Variants in GPR153 observed in about 807,000 individuals in gnomAD.
The protein encoded by GPR153 is probable G protein-coupled receptor 153.
In GPR153, 27 loss-of-function variants were observed where a neutral mutation model predicts 34.1. That is an observed-to-expected ratio of 0.79 (90% CI 0.58 to 1.09). GPR153 has a LOEUF of 1.09. GPR153 is among the 50% of genes least tolerant of loss of function. The probability of loss-of-function intolerance (pLI) is 0.00; values close to 1 mark genes in which losing one functional copy is unlikely to be tolerated. For missense variants in GPR153, 848 were observed against 860.2 expected, an observed-to-expected ratio of 0.99 and a Z score of 0.18; for synonymous variants, 408 against 405.4, an observed-to-expected ratio of 1.01 and a Z score of -0.08.
At position 6,254,725 on chromosome 1, in the gene GPR153, T is replaced by C. The variant is rs778912053; in HGVS notation, c.181A>G (p.Ile61Val). The C allele has an allele frequency of 1.3e-5, 21 of 1,613,614 alleles. No individual in the cohort carries two copies. The Middle Eastern group carries it at 6.6e-4, about 51-fold the overall frequency. Residue 61 changes from isoleucine to valine, a missense_variant, in exon 2 of 6, where the codon ATC (isoleucine) becomes GTC (valine). Physicochemically the swap from Ile to Val is conservative, Grantham distance 29. Transcript: ENST00000377893. ...AGCTGCACCACGGAGTAGGTGGCGA[T>C]GGGCACGGCCACATTTAGCATGTGG... ...ATHMLNVAVP[I>V]ATYSVVQLRR...
rs1638520162 is a variant in GPR153, at chr1:6,254,542, A to G, written c.356+8T>C. Reference sequence around the variant, plus strand: ...AACCCCAAGAACCCCAGAACTTCACATGCTCACCGGTAGTTGACAGGCCAG... The same window carrying G: ...AACCCCAAGAACCCCAGAACTTCACGTGCTCACCGGTAGTTGACAGGCCAG... On this transcript the variant is annotated splice_region_variant and intron_variant, in intron 2 of 5. Coordinates refer to ENST00000377893, the MANE Select transcript of GPR153 (RefSeq NM_207370.4). The G allele has an allele frequency of 1.9e-6, 3 of 1,546,422 alleles. No individual in the cohort carries two copies. Among genetic ancestry groups the G allele is most frequent in the African/African-American group, 1.4e-5 (1 of 72,796 alleles).
In GPR153 at chr1:6,254,730, A is replaced by G; in HGVS notation, c.176T>C (p.Val59Ala). Reference protein sequence around the residue: ...LAATHMLNVAVPIATYSVVQL... With the variant: ...LAATHMLNVAAPIATYSVVQL... The stretch of plus-strand genomic sequence containing the variant: ...CACCACGGAGTAGGTGGCGATGGGC[A>G]CGGCCACATTTAGCATGTGGGTGGC... The change falls in exon 2 of 6, where the codon GTG becomes GCG. Residue 59 changes from valine (V) to alanine (A), a missense_variant. Transcript: ENST00000377893. 9 of 1,613,722 alleles carry G rather than the reference A, an allele frequency of 5.6e-6. No individual in the cohort carries two copies. The highest frequency in any genetic ancestry group is 7.6e-6 in the Non-Finnish European group (9 of 1,179,904).
At chr1:6,260,374 GA>G (rs1638645199) in intron 1 of GPR153, among the ~76,000 whole-genome samples, 1 of 20,924 alleles carries the variant, frequency 4.8e-5, no homozygotes, top group Non-Finnish European at 8.0e-5. Flanking sequence ...CTGGGGCTCC[GA>G]TCCCCCCCCC....
chr1:6,254,946 T>C lies in GPR153; in HGVS notation c.-41A>G, dbSNP rs764200605. On this transcript the variant is annotated 5_prime_UTR_variant, in exon 2 of 6. Coordinates refer to ENST00000377893, the MANE Select transcript of GPR153 (RefSeq NM_207370.4). Reference sequence around the variant, plus strand: ...TGGCAGGCGGCTGTGGCATCCTCCTTGGAGCCAGGTCTCAGGGAGCAGCAG... The same window carrying C: ...TGGCAGGCGGCTGTGGCATCCTCCTCGGAGCCAGGTCTCAGGGAGCAGCAG... The C allele has an allele frequency of 1.7e-5, 24 of 1,452,004 alleles. No homozygotes were observed. The highest frequency in any genetic ancestry group is 2.2e-5 in the Non-Finnish European group (24 of 1,085,268). The allele number at this position is 1,452,004 out of a possible 1,614,324, so 89.9% of individuals were successfully genotyped here.
At position 6,249,082 on chromosome 1, in the gene GPR153, A is replaced by G. The variant is rs1224967336; in HGVS notation, c.*256T>C. 1.7e-5 allele frequency: 6 copies of G among 350,358 alleles called. No homozygotes were observed. Among genetic ancestry groups the G allele is most frequent in the Non-Finnish European group, 1.5e-5 (3 of 195,364 alleles). 21.7% of individuals were successfully genotyped at this position (350,358 alleles called of 1,614,324 possible). A position where few individuals can be genotyped will look rare whatever the true frequency, so the allele number is the denominator to read the frequency against. ...CTCACTACCCAAGCCCAAGCTTGGG[A>G]TGTCACTCAGCTCCCCAGGCCCGAC... On this transcript the variant is annotated 3_prime_UTR_variant, in exon 6 of 6. Transcript: ENST00000377893. This position sits in a 1 kb window ranked among gnomAD's most constrained non-coding sequence, Gnocchi z 4.3.
chr1:6,257,848 G>A (rs965372716), intron 1 of GPR153, among the ~76,000 whole-genome samples: 1 of 152,248 alleles, frequency 6.6e-6, no homozygotes, highest in Non-Finnish European at 1.5e-5. Context: ...CTGCAGCCCA[G>A]GCAGGCAGTG....
At chr1:6,252,308 C>T (rs533822336) in intron 3 of GPR153, among the ~76,000 whole-genome samples, 11 of 152,284 alleles carry the variant, frequency 7.2e-5, no homozygotes, top group South Asian at 2.1e-4. Context: ...AGACTCCGGA[C>T]GCTTTATAAC....
Position 6,249,351 on chromosome 1 carries a change from C to T in GPR153, c.1817G>A (p.Gly606Asp). ...GYATLHSDSL[G>D]SAS ...GCGCCGGCGGTCCTAGGACGCGGAGCCCAGCGAGTCCGAGTGCAGCGTGGC... is the reference window on the plus strand; with the variant it reads ...GCGCCGGCGGTCCTAGGACGCGGAGTCCAGCGAGTCCGAGTGCAGCGTGGC... Residue 606 changes from glycine (G) to aspartate (D), a missense_variant, in exon 6 of 6, where the codon GGC becomes GAC. Transcript: ENST00000377893. The surrounding 1 kb of genome is among the most constrained non-coding windows in gnomAD (Gnocchi z 4.3). The T allele has an allele frequency of 7.6e-7, 1 of 1,316,266 alleles. No individual in the cohort carries two copies. The highest frequency in any genetic ancestry group is 9.7e-7 in the Non-Finnish European group (1 of 1,034,920). 81.5% of individuals were successfully genotyped at this position (1,316,266 alleles called of 1,614,324 possible).
At position 6,251,344 on chromosome 1, in the gene GPR153, C is replaced by CT; in HGVS notation, c.972dup (p.Asp325ArgfsTer3). 1 of 1,604,292 alleles carries CT rather than the reference C, an allele frequency of 6.2e-7. No homozygotes were observed. The highest frequency in any genetic ancestry group is 8.5e-7 in the Non-Finnish European group (1 of 1,173,884). ...ACTCTCAGGCCATCCTCACCATCGTCTGACTCCTCGTCGTTGGCCATGAGG... is the reference window on the plus strand; with the variant it reads ...ACTCTCAGGCCATCCTCACCATCGTCTTGACTCCTCGTCGTTGGCCATGAGG... On this transcript the variant is annotated frameshift_variant, in exon 4 of 6. Coordinates refer to ENST00000377893, the MANE Select transcript of GPR153 (RefSeq NM_207370.4). LOFTEE classifies it high-confidence loss of function. This position sits in a 1 kb window ranked among gnomAD's most constrained non-coding sequence, Gnocchi z 4.9.
rs1638537593 is a variant in GPR153, at chr1:6,255,115, A to T, written c.-109-101T>A. 6.6e-6 allele frequency: 3 copies of T among 451,854 alleles called. 1 individual carries two copies. The highest frequency in any genetic ancestry group is 1.1e-3 in the Middle Eastern group (2 of 1,852). The allele number at this position is 451,854 out of a possible 1,614,324, so 28.0% of individuals were successfully genotyped here. On this transcript the variant is annotated intron_variant, in intron 1 of 5. Coordinates refer to ENST00000377893, the MANE Select transcript of GPR153 (RefSeq NM_207370.4). ...GGGAGATGGCGAGCGCTACACTTTG[A>T]ATGTCCCCTGCAAAACTCATGTTGA...
Position 6,249,320 on chromosome 1 carries a change from G to T in GPR153, c.*18C>A. On this transcript the variant is annotated 3_prime_UTR_variant, in exon 6 of 6. Transcript: ENST00000377893. The surrounding 1 kb of genome is among the most constrained non-coding windows in gnomAD (Gnocchi z 4.3). The stretch of plus-strand genomic sequence containing the variant: ...GCGGCCTGGCCTGCCTGGCGTCCGT[G>T]GGGAGGCGCCGGCGGTCCTAGGACG... 7.9e-7 allele frequency: 1 copy of T among 1,265,056 alleles called. No individual in the cohort carries two copies. The highest frequency in any genetic ancestry group is 9.9e-7 in the Non-Finnish European group (1 of 1,005,896). 78.4% of individuals were successfully genotyped at this position (1,265,056 alleles called of 1,614,324 possible). A position where few individuals can be genotyped will look rare whatever the true frequency, so the allele number is the denominator to read the frequency against.
chr1:6,249,476 G>T lies in GPR153; in HGVS notation c.1692C>A (p.Gly564=). The T allele has an allele frequency of 3.8e-6, 5 of 1,301,168 alleles. No individual in the cohort carries two copies. The highest frequency in any genetic ancestry group is 2.4e-5 in the South Asian group (1 of 42,482). The allele number at this position is 1,301,168 out of a possible 1,614,324, so 80.6% of individuals were successfully genotyped here. A position where few individuals can be genotyped will look rare whatever the true frequency, so the allele number is the denominator to read the frequency against. The stretch of plus-strand genomic sequence containing the variant: ...CGGGCTCGCCCCACGACGCGCTCAG[G>T]CCGGGGCGCAGAGAGCCGGCGTGCG... The part of the protein sequence containing the change: ...AHSHAGSLRP[G]LSASWGEPGG... The change falls in exon 6 of 6, where the codon GGC becomes GGA. Residue 564 remains glycine, a synonymous_variant. Transcript: ENST00000377893. This position sits in a 1 kb window ranked among gnomAD's most constrained non-coding sequence, Gnocchi z 4.3.
Position 6,250,004 on chromosome 1 carries a change from C to A in GPR153, c.1165-1G>T. 8.0e-7 allele frequency: 1 copy of A among 1,257,622 alleles called. No individual in the cohort carries two copies. Among genetic ancestry groups the A allele is most frequent in the Non-Finnish European group, 1.0e-6 (1 of 994,678 alleles). The allele number at this position is 1,257,622 out of a possible 1,614,324, so 77.9% of individuals were successfully genotyped here. On this transcript the variant is annotated splice_acceptor_variant, in intron 5 of 5. Transcript: ENST00000377893. LOFTEE classifies it high-confidence loss of function. ...GGGAGAAGCGCCGCGTGGGCGGGAC[C>A]TGTCAGGACGCGGCTGGCTTTTACC...
intron 5 of GPR153, 193 bp downstream of exon 5, chr1:6,250,247 C>T: frequency 7.1e-6 from 7 of 985,396 alleles, no homozygotes; most frequent in Non-Finnish European, 8.4e-6. Context: ...ACTCATGTGA[C>T]AGGGACCATG....
chr1:6,252,725 T>G (rs1391690634), intron 3 of GPR153, among the ~76,000 whole-genome samples: 1 of 152,124 alleles, frequency 6.6e-6, no homozygotes, highest in Non-Finnish European at 1.5e-5. Context: ...GCCCCAGTCC[T>G]CTCCCTGTCT....
At chr1:6,252,914 C>T (rs1250254367) in intron 3 of GPR153, among the ~76,000 whole-genome samples, 1 of 152,132 alleles carries the variant, frequency 6.6e-6, no homozygotes, top group African/African-American at 2.4e-5. Flanking sequence ...CTCACCTTGG[C>T]CTTCCCCAGC....
At position 6,249,492 on chromosome 1, in the gene GPR153, C is replaced by T; in HGVS notation, c.1676G>A (p.Gly559Asp). Reference protein sequence around the residue: ...GPRPSAHSHAGSLRPGLSASW... With the variant: ...GPRPSAHSHADSLRPGLSASW... ...CGCGCTCAGGCCGGGGCGCAGAGAG[C>T]CGGCGTGCGAGTGCGCAGAGGGGCG... The change falls in exon 6 of 6, where the codon GGC (glycine) becomes GAC (aspartate). Residue 559 changes from glycine to aspartate, a missense_variant. Gly to Asp is a moderately conservative substitution (Grantham distance 94, BLOSUM62 -1). Transcript: ENST00000377893. The surrounding 1 kb of genome is among the most constrained non-coding windows in gnomAD (Gnocchi z 4.3). 7.8e-7 allele frequency: 1 copy of T among 1,276,810 alleles called. No homozygotes were observed. Among genetic ancestry groups the T allele is most frequent in the Non-Finnish European group, 9.8e-7 (1 of 1,017,356 alleles). 79.1% of individuals were successfully genotyped at this position (1,276,810 alleles called of 1,614,324 possible). A position where few individuals can be genotyped will look rare whatever the true frequency, so the allele number is the denominator to read the frequency against.
In GPR153 at chr1:6,251,035, G is replaced by A. The variant is rs1248533533; in HGVS notation, c.979+303C>T. Among the ~76,000 whole-genome samples, 1 of 152,176 alleles carries A rather than the reference G, an allele frequency of 6.6e-6. No individual in the cohort carries two copies. Among genetic ancestry groups the A allele is most frequent in the Non-Finnish European group, 1.5e-5 (1 of 68,026 alleles). ...GGGCAGCTTGCTGGGGATCCCTGAG[G>A]TTGGGGGGTGAGCCCAGGAGCTCCG... On this transcript the variant is annotated intron_variant, in intron 4 of 5. Transcript: ENST00000377893. This position sits in a 1 kb window ranked among gnomAD's most constrained non-coding sequence, Gnocchi z 4.9.
chr1:6,258,614 A>C (rs1313777152), intron 1 of GPR153, among the ~76,000 whole-genome samples: 4 of 152,294 alleles, frequency 2.6e-5, no homozygotes, highest in Admixed American at 2.6e-4. Context: ...GAGCAGACAG[A>C]GTGTGAGTAA....
Sources: allele counts gnomAD v4.1 joint callset (sites outside exome capture counted in the v4.1 genomes callset), GRCh38; gene constraint gnomAD v4.1.1; non-coding constraint Gnocchi (gnomAD v3.1); transcripts MANE v1.5; gene names NCBI Gene and HGNC (gene_info 2026-07-23, HGNC 2026-07-21).